The following LRRC4C variants were observed in gnomAD, a reference collection of about 807,000 sequenced individuals.
The protein encoded by LRRC4C is leucine rich repeat containing 4C.
Under a neutral mutation model 33.6 loss-of-function variants are expected in LRRC4C, and 5 were observed. The ratio of observed to expected loss-of-function variants is 0.15; its 90% CI spans 0.08 to 0.31. The LOEUF (loss-of-function observed/expected upper bound fraction) is 0.31, where lower values mean the gene tolerates loss of function less well. Ranked by LOEUF, LRRC4C falls within the 10% of genes least tolerant of loss-of-function variation. The pLI is 1.00. For synonymous variants in LRRC4C, 329 were observed against 302.0 expected, an observed-to-expected ratio of 1.09 and a Z score of -0.93; for missense variants, 560 against 796.7, an observed-to-expected ratio of 0.70 and a Z score of 3.58.
chr11:40,605,240 C>A, intron 3 of LRRC4C, among the ~76,000 whole-genome samples: 1 of 151,820 alleles, frequency 6.6e-6, no homozygotes, highest in Non-Finnish European at 1.5e-5. Flanking sequence ...AAATTAGATT[C>A]CCTTAATGTG....
chr11:40,868,368 G>A (rs1297117935), intron 2 of LRRC4C, among the ~76,000 whole-genome samples: 2 of 152,102 alleles, frequency 1.3e-5, no homozygotes, highest in African/African-American at 4.8e-5. Flanking sequence ...ACAAGTCAGA[G>A]GATCAGGACT....
chr11:40,719,836 T>C (rs1946919227), intron 2 of LRRC4C, among the ~76,000 whole-genome samples: 1 of 152,162 alleles, frequency 6.6e-6, no homozygotes, highest in African/African-American at 2.4e-5. Context: ...CCCTGACACA[T>C]TGAAGAAAAT....
intron 3 of LRRC4C, among the ~76,000 whole-genome samples, chr11:40,510,659 T>A (rs1301055863): frequency 6.6e-6 from 1 of 152,120 alleles, no homozygotes; most frequent in Admixed American, 6.5e-5. Flanking sequence ...TGATCAGAGG[T>A]CTCAAATAAG....
chr11:41,034,610 TATATATA>T (rs1856945448), intron 1 of LRRC4C, among the ~76,000 whole-genome samples: 1 of 18,268 alleles, frequency 5.5e-5, no homozygotes, highest in Non-Finnish European at 1.8e-4. Context: ...TGGTGACGTA[TATATATA>T]TATATATATA....
intron 3 of LRRC4C, among the ~76,000 whole-genome samples, chr11:40,365,753 T>C (rs1392384626): frequency 6.6e-6 from 1 of 152,046 alleles, no homozygotes. Flanking sequence ...ACAATTAACT[T>C]CATTGTCACT....
intron 1 of LRRC4C, among the ~76,000 whole-genome samples, chr11:41,410,406 T>C (rs1404627234): frequency 6.7e-6 from 1 of 148,326 alleles, no homozygotes; most frequent in Non-Finnish European, 1.5e-5. Flanking sequence ...GAGAAAGTTT[T>C]TTTTTTTTTC....
intron 4 of LRRC4C, among the ~76,000 whole-genome samples, chr11:40,283,423 GT>G (rs778059452): frequency 1.3e-5 from 2 of 151,010 alleles, no homozygotes; most frequent in Admixed American, 6.6e-5. Flanking sequence ...ATTAGTAAAA[GT>G]AAAAAAAAAA....
At chr11:40,727,394 T>C (rs1177160617) in intron 2 of LRRC4C, among the ~76,000 whole-genome samples, 1 of 152,150 alleles carries the variant, frequency 6.6e-6, no homozygotes, top group Non-Finnish European at 1.5e-5. Context: ...CCCCTGTTTT[T>C]CACCATATAT....
chr11:40,366,417 G>A (rs1428469658), intron 3 of LRRC4C, among the ~76,000 whole-genome samples: 1 of 152,008 alleles, frequency 6.6e-6, no homozygotes, highest in Non-Finnish European at 1.5e-5. Context: ...AAGAAGTTGA[G>A]GTTCAGAATA....
chr11:40,752,442 C>A (rs1399901725), intron 2 of LRRC4C, among the ~76,000 whole-genome samples: 3 of 151,766 alleles, frequency 2.0e-5, no homozygotes, highest in Non-Finnish European at 1.5e-5. Flanking sequence ...GGACAAGTAA[C>A]CTGAATAAAC....
intron 1 of LRRC4C, among the ~76,000 whole-genome samples, chr11:41,420,594 CT>C (rs1343226954): frequency 1.3e-5 from 2 of 151,964 alleles, no homozygotes; most frequent in Non-Finnish European, 2.9e-5. Context: ...GCTTTTTGTC[CT>C]ACGAAAAATT....
intron 5 of LRRC4C, among the ~76,000 whole-genome samples, chr11:40,165,558 G>T (rs1349504561): frequency 6.6e-6 from 1 of 152,144 alleles, no homozygotes; most frequent in East Asian, 1.9e-4. Context: ...TCTGCAATCT[G>T]GTTTTAGTTC....
intron 1 of LRRC4C, among the ~76,000 whole-genome samples, chr11:41,126,481 G>T (rs184103330): frequency 2.0e-5 from 3 of 151,940 alleles, no homozygotes; most frequent in African/African-American, 7.2e-5. Context: ...TCAGATATAT[G>T]GGGTCTCACC....
At chr11:41,192,393 G>T (rs1945994427) in intron 1 of LRRC4C, among the ~76,000 whole-genome samples, 1 of 111,000 alleles carries the variant, frequency 9.0e-6, no homozygotes, top group African/African-American at 3.0e-5. Flanking sequence ...TAATCAAGAA[G>T]ATCATACACA....
At chr11:41,047,892 T>C (rs1857890519) in intron 1 of LRRC4C, among the ~76,000 whole-genome samples, 1 of 152,176 alleles carries the variant, frequency 6.6e-6, no homozygotes. Context: ...CCTATCCTTC[T>C]TTGCTTTTTG....
intron 4 of LRRC4C, among the ~76,000 whole-genome samples, chr11:40,264,087 A>T (rs1272602334): frequency 6.6e-6 from 1 of 152,164 alleles, no homozygotes; most frequent in Non-Finnish European, 1.5e-5. Context: ...GTCCTATTTA[A>T]TAACTATGTA....
chr11:41,176,525 T>A (rs182072432), intron 1 of LRRC4C, among the ~76,000 whole-genome samples: 1 of 152,282 alleles, frequency 6.6e-6, no homozygotes, highest in African/African-American at 2.4e-5. Context: ...GTTCTAGACA[T>A]GGTATATATA....
At chr11:40,290,073 C>G (rs116826488) in intron 4 of LRRC4C, among the ~76,000 whole-genome samples, 589 of 152,186 alleles carry the variant, frequency 3.9e-3, no homozygotes, top group African/African-American at 0.014. Flanking sequence ...ATAAAATCTC[C>G]TCCAATTGGC....
At chr11:41,192,154 C>T (rs985207910) in intron 1 of LRRC4C, among the ~76,000 whole-genome samples, 4 of 152,054 alleles carry the variant, frequency 2.6e-5, no homozygotes, top group African/African-American at 9.7e-5. Context: ...ACCTCATTTT[C>T]CTCAATGTGT....
Sources: gnomAD v4.1 joint callset for allele counts (sites outside exome capture counted in the v4.1 genomes callset) on GRCh38, gnomAD v4.1.1 for gene constraint, MANE v1.5 for transcripts, NCBI Gene and HGNC (gene_info 2026-07-23, HGNC 2026-07-21) for gene names.